Variants in MTFR1 observed in about 807,000 individuals in gnomAD.
MTFR1 encodes the protein chondrocyte protein with a poly-proline region.
A neutral mutation model predicts 38.8 loss-of-function variants in MTFR1; 28 were observed. The ratio of observed to expected loss-of-function variants is 0.72; its 90% CI spans 0.53 to 0.99. The LOEUF (loss-of-function observed/expected upper bound fraction) is 0.99, where lower values mean the gene tolerates loss of function less well. Ranked by LOEUF, MTFR1 falls within the 50% of genes least tolerant of loss-of-function variation. The probability of loss-of-function intolerance (pLI) is 0.00; values close to 1 mark genes in which losing one functional copy is unlikely to be tolerated. For synonymous variants in MTFR1, 145 were observed against 137.0 expected (o/e 1.06, Z -0.41); for missense variants, 358 against 395.5 (o/e 0.91, Z 0.81).
intron 3 of MTFR1, among the ~76,000 whole-genome samples, chr8:65,749,140 C>T (rs1407884747): frequency 6.6e-6 from 1 of 152,186 alleles, no homozygotes; most frequent in East Asian, 1.9e-4. Context: ...CCAAAGCTCC[C>T]TGTGCATTCA....
At chr8:65,665,563 C>T (rs1296881082) in intron 1 of MTFR1, among the ~76,000 whole-genome samples, 1 of 152,208 alleles carries the variant, frequency 6.6e-6, no homozygotes, top group Non-Finnish European at 1.5e-5. Flanking sequence ...CCAGCATTTC[C>T]TTATATGATA....
At chr8:65,730,307 A>G (rs760866069) in intron 3 of MTFR1, among the ~76,000 whole-genome samples, 7 of 147,412 alleles carry the variant, frequency 4.7e-5, no homozygotes, top group Non-Finnish European at 1.0e-4. Context: ...CAGCCTCCCA[A>G]GTAGCTGGTA....
At chr8:65,733,449 T>G (rs1056435942) in intron 3 of MTFR1, among the ~76,000 whole-genome samples, 1 of 152,172 alleles carries the variant, frequency 6.6e-6, no homozygotes, top group Admixed American at 6.5e-5. Context: ...CCCAGAGATT[T>G]TTTTGAAGTT....
intron 1 of MTFR1, among the ~76,000 whole-genome samples, chr8:65,647,690 T>C (rs942651237): frequency 2.6e-5 from 4 of 152,204 alleles, no homozygotes; most frequent in African/African-American, 9.6e-5. Flanking sequence ...GAGTTGGTGA[T>C]GAGTTTTTAC....
At chr8:65,718,657 T>C (rs1806244166) in intron 2 of MTFR1, 1 of 152,572 alleles carries the variant, frequency 6.6e-6, no homozygotes, top group African/African-American at 2.4e-5. Flanking sequence ...GTGCATGAAA[T>C]AAAACTATAG....
intron 3 of MTFR1, among the ~76,000 whole-genome samples, chr8:65,746,847 C>A (rs1365683017): frequency 2.0e-5 from 3 of 152,126 alleles, no homozygotes; most frequent in Non-Finnish European, 4.4e-5. Flanking sequence ...TCTTCACTTT[C>A]ATGTAATTGT....
chr8:65,704,977 A>C (rs948871470), intron 5 of MTFR1, 48 bp downstream of exon 5: 2 of 1,436,006 alleles, frequency 1.4e-6, no homozygotes, highest in Non-Finnish European at 9.6e-7. Flanking sequence ...ACTAGAAGTT[A>C]GGAGAATGCT....
intron 3 of MTFR1, among the ~76,000 whole-genome samples, chr8:65,684,945 T>C (rs1585776321): frequency 6.6e-6 from 1 of 151,986 alleles, no homozygotes; most frequent in Non-Finnish European, 1.5e-5. Flanking sequence ...TGGAGGTTGC[T>C]GTGAGCCGAG....
chr8:65,738,689 T>C (rs1043380621), intron 3 of MTFR1, among the ~76,000 whole-genome samples: 45 of 152,162 alleles, frequency 3.0e-4, no homozygotes, highest in Non-Finnish European at 4.7e-4. Context: ...CGCCTCAGCC[T>C]CCCAAAGTGC....
At chr8:65,660,106 A>G (rs937865083) in intron 1 of MTFR1, among the ~76,000 whole-genome samples, 1 of 152,142 alleles carries the variant, frequency 6.6e-6, no homozygotes, top group African/African-American at 2.4e-5. Flanking sequence ...CCTGACCAAC[A>G]TGGCCAAACC....
chr8:65,677,540 A>G (rs1804750682), intron 2 of MTFR1, among the ~76,000 whole-genome samples: 1 of 148,968 alleles, frequency 6.7e-6, no homozygotes, highest in African/African-American at 2.5e-5. Context: ...GCACCACCAC[A>G]CCTGGCTAAT....
At chr8:65,668,344 ATT>A (rs34636319) in intron 1 of MTFR1, among the ~76,000 whole-genome samples, 224 of 134,116 alleles carry the variant, frequency 1.7e-3, no homozygotes, top group Non-Finnish European at 1.5e-3. Flanking sequence ...CACCCAGCTA[ATT>A]TTTTTTTTTT....
intron 3 of MTFR1, chr8:65,725,014 T>C (rs564641409): frequency 2.2e-4 from 154 of 687,890 alleles, no homozygotes; most frequent in Middle Eastern, 5.5e-4. Flanking sequence ...GAAGGCTTTA[T>C]AGAACCCTAA....
At chr8:65,750,673 G>A (rs989524773) in intron 3 of MTFR1, among the ~76,000 whole-genome samples, 14 of 152,254 alleles carry the variant, frequency 9.2e-5, no homozygotes, top group Middle Eastern at 3.4e-3. Context: ...CAATGGTTAA[G>A]TCAATTGGTA....
chr8:65,705,097 A>G (rs566879862), intron 5 of MTFR1, among the ~76,000 whole-genome samples, 168 bp downstream of exon 5: 3 of 152,264 alleles, frequency 2.0e-5, no homozygotes, highest in East Asian at 1.9e-4. Context: ...AGGCTGAGGC[A>G]GGCAGATCAC....
intron 5 of MTFR1, among the ~76,000 whole-genome samples, chr8:65,705,205 T>TC (rs1805747377): frequency 6.6e-6 from 1 of 152,172 alleles, no homozygotes; most frequent in Non-Finnish European, 1.5e-5. Flanking sequence ...GTGCCTGTAG[T>TC]CCCAGCTTCT....
At chr8:65,770,769 C>T (rs2128920419) in intron 3 of MTFR1, among the ~76,000 whole-genome samples, 1 of 152,348 alleles carries the variant, frequency 6.6e-6, no homozygotes. Flanking sequence ...TATTACCAAA[C>T]TGCCCTCCAG....
chr8:65,761,355 C>T (rs765255082), intron 3 of MTFR1, among the ~76,000 whole-genome samples: 4 of 152,070 alleles, frequency 2.6e-5, no homozygotes, highest in Non-Finnish European at 5.9e-5. Flanking sequence ...TGAGCCACCA[C>T]GCCTGGCCCT....
intron 3 of MTFR1, among the ~76,000 whole-genome samples, chr8:65,770,438 C>T (rs375637396): frequency 4.3e-4 from 66 of 152,262 alleles, no homozygotes; most frequent in African/African-American, 1.1e-3. Context: ...CATCAGATTT[C>T]GTGAGACTTA....
Sources: gnomAD v4.1 joint callset for allele counts (sites outside exome capture counted in the v4.1 genomes callset) on GRCh38, gnomAD v4.1.1 for gene constraint, MANE v1.5 for transcripts, NCBI Gene and HGNC (gene_info 2026-07-23, HGNC 2026-07-21) for gene names.